Variants in CAMK2D observed in about 807,000 individuals in gnomAD.
CAMK2D encodes the protein calcium/calmodulin dependent protein kinase II delta.
Under a neutral mutation model 84.0 loss-of-function variants are expected in CAMK2D, and 37 were observed. The ratio of observed to expected loss-of-function variants is 0.44; its 90% confidence interval spans 0.34 to 0.58. The LOEUF is 0.58. Among genes scored for constraint, CAMK2D ranks in the 20% least tolerant of loss-of-function variants. The pLI, the probability that CAMK2D is intolerant of heterozygous loss-of-function variation, is 0.02. For synonymous variants in CAMK2D, 202 were observed against 212.5 expected (o/e 0.95, Z 0.43); for missense variants, 448 against 652.5 (o/e 0.69, Z 3.41).
rs534270920 is a variant in CAMK2D at position 113,601,119 on chromosome 4, T to C, written c.275+8033A>G. Among the ~76,000 whole-genome samples, 3 of 152,074 alleles carry C rather than the reference T, an allele frequency of 2.0e-5. No individual in the cohort carries two copies. The South Asian group carries it at 6.2e-4, about 32-fold the overall frequency. On this transcript the variant is annotated intron_variant, in intron 4 of 20. Coordinates refer to ENST00000511664, the MANE Select transcript of CAMK2D (RefSeq NM_001321571.2). ...CCTTCTGTAGGTTGTAACTAAAGAG[T>C]CTTTAGGAGACAAGTTTATATCTTA... is the stretch of plus-strand genomic sequence containing the variant.
chr4:113,558,256 A>G (rs771132196), intron 4 of CAMK2D, among the ~76,000 whole-genome samples: 16 of 152,254 alleles, frequency 1.1e-4, no homozygotes, highest in Non-Finnish European at 2.1e-4. Flanking sequence ...TAACTGAATA[A>G]CCAAGTCACA....
chr4:113,687,358 C>T (rs879485669), intron 2 of CAMK2D, among the ~76,000 whole-genome samples: 2 of 152,194 alleles, frequency 1.3e-5, no homozygotes, highest in Non-Finnish European at 2.9e-5. Context: ...ATTGATCTTA[C>T]ATGTCATTTT....
intron 3 of CAMK2D, among the ~76,000 whole-genome samples, chr4:113,657,334 T>A (rs2154307542): frequency 1.3e-5 from 2 of 152,260 alleles, no homozygotes; most frequent in Admixed American, 1.3e-4. Flanking sequence ...TACACTAGGA[T>A]GCAAAGCTTT....
chr4:113,517,120 AAAAAC>A (rs2098295621), intron 9 of CAMK2D, among the ~76,000 whole-genome samples: 1 of 152,052 alleles, frequency 6.6e-6, no homozygotes. Flanking sequence ...TACAAAAACA[AAAAAC>A]AAAACCCAGA....
At chr4:113,542,975 C>G (rs1408853717) in intron 6 of CAMK2D, among the ~76,000 whole-genome samples, 2 of 152,248 alleles carry the variant, frequency 1.3e-5, no homozygotes, top group South Asian at 4.1e-4. Flanking sequence ...TCTGCCGAGG[C>G]AATTCATAGG....
intron 17 of CAMK2D, among the ~76,000 whole-genome samples, chr4:113,464,284 T>C (rs2097429568): frequency 6.6e-6 from 1 of 152,250 alleles, no homozygotes; most frequent in Non-Finnish European, 1.5e-5. Context: ...CCTCTGATAA[T>C]AGTCAGTTCA....
chr4:113,564,099 G>A (rs2098711389), intron 4 of CAMK2D, among the ~76,000 whole-genome samples: 1 of 152,010 alleles, frequency 6.6e-6, no homozygotes, highest in Admixed American at 6.5e-5. Flanking sequence ...CCTATATTAA[G>A]AGTTTTTATA....
At chr4:113,666,571 A>T (rs963067690) in intron 2 of CAMK2D, among the ~76,000 whole-genome samples, 5 of 152,046 alleles carry the variant, frequency 3.3e-5, no homozygotes, top group African/African-American at 1.2e-4. Context: ...CAACAAATAC[A>T]CACACATGCA....
intron 2 of CAMK2D, among the ~76,000 whole-genome samples, chr4:113,714,497 TA>T (rs1341246860): frequency 6.6e-6 from 1 of 152,116 alleles, no homozygotes; most frequent in Non-Finnish European, 1.5e-5. Flanking sequence ...CATTTTGAGC[TA>T]AAGGCACCTG....
chr4:113,600,978 G>T (rs1297446313), intron 4 of CAMK2D, among the ~76,000 whole-genome samples: 1 of 152,016 alleles, frequency 6.6e-6, no homozygotes, highest in East Asian at 1.9e-4. Context: ...TCTCATCAAA[G>T]AATAAAAATT....
chr4:113,546,610 C>T (rs1178639314), intron 6 of CAMK2D, among the ~76,000 whole-genome samples: 3 of 152,096 alleles, frequency 2.0e-5, no homozygotes, highest in Admixed American at 6.5e-5. Flanking sequence ...AAAGTCTGCA[C>T]GTGAGAAATA....
intron 12 of CAMK2D, among the ~76,000 whole-genome samples, chr4:113,511,197 G>GTC (rs2098208960): frequency 6.6e-6 from 1 of 152,080 alleles, no homozygotes; most frequent in Non-Finnish European, 1.5e-5. Context: ...ACTTTAAAGA[G>GTC]CATGTTTGGC....
intron 3 of CAMK2D, among the ~76,000 whole-genome samples, chr4:113,643,937 A>G (rs2099141904): frequency 6.6e-6 from 1 of 152,248 alleles, no homozygotes; most frequent in South Asian, 2.1e-4. Context: ...CAAAGAATAA[A>G]GTAATTCTCT....
intron 14 of CAMK2D, chr4:113,503,340 C>T (rs770388906): frequency 1.9e-6 from 1 of 531,212 alleles, no homozygotes; most frequent in Non-Finnish European, 3.7e-6. Context: ...AGAGAACTGG[C>T]CAAGGACACT....
intron 2 of CAMK2D, among the ~76,000 whole-genome samples, chr4:113,744,792 A>G (rs1033580904): frequency 6.6e-6 from 1 of 152,224 alleles, no homozygotes; most frequent in Non-Finnish European, 1.5e-5. Context: ...TTCACAGCCA[A>G]TGCTGGTAAC....
intron 17 of CAMK2D, 89 bp downstream of exon 17, chr4:113,465,440 T>C: frequency 1.3e-6 from 1 of 772,924 alleles, no homozygotes; most frequent in East Asian, 2.5e-5. Flanking sequence ...GAATTAAATA[T>C]ATGTGAATTC....
At chr4:113,484,155 T>TA (rs2097737519) in intron 16 of CAMK2D, among the ~76,000 whole-genome samples, 1 of 152,194 alleles carries the variant, frequency 6.6e-6, no homozygotes, top group South Asian at 2.1e-4. Context: ...TTCCCTTTCT[T>TA]ACCCACTCCC....
Position 113,478,797 on chromosome 4 carries a change from CA to C in CAMK2D, c.1136-13194del, listed in dbSNP as rs532366016. On this transcript the variant is annotated intron_variant, in intron 16 of 20. Transcript: ENST00000511664. ...ACTCTACTTAAAATACTCACGGCCC[CA>C]AAACATTATTTTCTCCAGTGGAAAA... Among the ~76,000 whole-genome samples the C allele has an allele frequency of 2.5e-4, 38 of 152,164 alleles. 1 individual carries two copies. Among genetic ancestry groups the C allele is most frequent in the African/African-American group, 9.1e-4 (38 of 41,532 alleles).
At chr4:113,460,398 T>A (rs1446974232) in intron 17 of CAMK2D, among the ~76,000 whole-genome samples, 157 bp from the exon 18 acceptor site, 1 of 152,040 alleles carries the variant, frequency 6.6e-6, no homozygotes, top group Non-Finnish European at 1.5e-5. Flanking sequence ...GCAAGGTGGG[T>A]TGAGGAGCAG....
Sources: gnomAD v4.1 joint callset for allele counts (sites outside exome capture counted in the v4.1 genomes callset) on GRCh38, gnomAD v4.1.1 for gene constraint, MANE v1.5 for transcripts, NCBI Gene and HGNC (gene_info 2026-07-23, HGNC 2026-07-21) for gene names.